Variants in TTLL11 observed in about 807,000 individuals in gnomAD.
TTLL11 encodes the protein tubulin polyglutamylase TTLL11.
TTLL11 carries 42 observed loss-of-function variants against 51.7 expected under a neutral mutation model. The ratio of observed to expected loss-of-function variants is 0.81; its 90% confidence interval spans 0.64 to 1.05. The LOEUF (loss-of-function observed/expected upper bound fraction) is 1.05. TTLL11 is among the 50% of genes least tolerant of loss of function. The probability of loss-of-function intolerance (pLI) is 0.00; values close to 1 mark genes in which losing one functional copy is unlikely to be tolerated. For missense variants in TTLL11, 799 were observed against 940.4 expected, an observed-to-expected ratio of 0.85 and a Z score of 1.97; for synonymous variants, 381 against 383.5, an observed-to-expected ratio of 0.99 and a Z score of 0.08.
intron 3 of TTLL11, among the ~76,000 whole-genome samples, chr9:121,994,287 G>A (rs972704428): frequency 6.6e-6 from 1 of 152,146 alleles, no homozygotes; most frequent in African/African-American, 2.4e-5. Flanking sequence ...AGATAGTTCC[G>A]ACGGCTGGAG....
intron 3 of TTLL11, among the ~76,000 whole-genome samples, chr9:122,005,446 C>T (rs972452432): frequency 6.6e-6 from 1 of 152,058 alleles, no homozygotes; most frequent in African/African-American, 2.4e-5. Flanking sequence ...CTTCCAAGAT[C>T]CTACACACTC....
Position 121,821,261 on chromosome 9 carries a change from C to T in TTLL11, c.*1326G>A, listed in dbSNP as rs1836568624. On this transcript the variant is annotated 3_prime_UTR_variant, in exon 9 of 9. Coordinates refer to ENST00000321582, the MANE Select transcript of TTLL11 (RefSeq NM_001139442.2). This position sits in a 1 kb window ranked among gnomAD's most constrained non-coding sequence, Gnocchi z 5.0. ...AGGAAGGAGGAGAAAGCTGCAGGAGCTTATTTGGGATGCACCTCTGCCTCC... is the reference window on the plus strand; with the variant it reads ...AGGAAGGAGGAGAAAGCTGCAGGAGTTTATTTGGGATGCACCTCTGCCTCC... Among the ~76,000 whole-genome samples the T allele has an allele frequency of 1.3e-5, 2 of 152,070 alleles. No homozygotes were observed. The highest frequency in any genetic ancestry group is 2.9e-5 in the Non-Finnish European group (2 of 68,004).
chr9:121,946,778 G>T (rs564586816), intron 6 of TTLL11, among the ~76,000 whole-genome samples: 45 of 152,250 alleles, frequency 3.0e-4, no homozygotes, highest in African/African-American at 1.1e-3. Context: ...TCCACCCCCA[G>T]AAATTCTGGT....
chr9:122,085,506 T>C (rs1435861477), intron 1 of TTLL11, among the ~76,000 whole-genome samples: 1 of 152,108 alleles, frequency 6.6e-6, no homozygotes, highest in African/African-American at 2.4e-5. Flanking sequence ...ATCCCCAAGA[T>C]CCCAAATACA....
In TTLL11 at chr9:121,992,187, C is replaced by T. The variant is rs190686732; in HGVS notation, c.694-2417G>A. Among the ~76,000 whole-genome samples the T allele has an allele frequency of 2.8e-3, 427 of 152,238 alleles. 4 individuals carry two copies. The highest frequency in any genetic ancestry group is 2.7e-3 in the Non-Finnish European group (185 of 68,012). On this transcript the variant is annotated intron_variant, in intron 3 of 8. Coordinates refer to ENST00000321582, the MANE Select transcript of TTLL11 (RefSeq NM_001139442.2). ...TGTCTGGGTTCCTTGCTTGTTAAAG[C>T]GCAGGTGTGATTTACAGGAAACCCT... is the stretch of plus-strand genomic sequence containing the variant.
At chr9:122,030,592 T>C (rs1404973100) in intron 3 of TTLL11, among the ~76,000 whole-genome samples, 1 of 151,974 alleles carries the variant, frequency 6.6e-6, no homozygotes, top group Non-Finnish European at 1.5e-5. Context: ...GGGATAATAA[T>C]AAAACCAGCC....
chr9:122,061,879 G>A (rs1350573420), intron 1 of TTLL11, among the ~76,000 whole-genome samples: 1 of 152,026 alleles, frequency 6.6e-6, no homozygotes, highest in Non-Finnish European at 1.5e-5. Flanking sequence ...CTCGTGATCT[G>A]CCCACCTCGG....
At position 122,092,997 on chromosome 9, in the gene TTLL11, G is replaced by C; in HGVS notation, c.152C>G (p.Pro51Arg). ...CTGCTCCTCCCCTGCCTTGCACTCC[G>C]GTTCCCCGGCCGCGCCCGCGTCCAC... Reference protein sequence around the residue: ...VRVDAGAAGEPECKAGEEQPK... With the variant: ...VRVDAGAAGERECKAGEEQPK... Residue 51 changes from proline (P) to arginine (R), a missense_variant, in exon 1 of 9, where the codon CCG (proline) becomes CGG (arginine). Transcript: ENST00000321582. 7 of 1,549,318 alleles carry C rather than the reference G, an allele frequency of 4.5e-6. No homozygotes were observed. The highest frequency in any genetic ancestry group is 6.0e-6 in the Non-Finnish European group (7 of 1,157,108).
chr9:121,878,291 G>T (rs1244713082), intron 6 of TTLL11, among the ~76,000 whole-genome samples: 1 of 152,158 alleles, frequency 6.6e-6, no homozygotes, highest in East Asian at 1.9e-4. Flanking sequence ...TGCTTGGGGG[G>T]CTTGTAACTG....
chr9:121,959,323 C>T (rs753346126), intron 6 of TTLL11, among the ~76,000 whole-genome samples: 4 of 152,124 alleles, frequency 2.6e-5, no homozygotes, highest in Non-Finnish European at 4.4e-5. Flanking sequence ...CTCTGTGGAG[C>T]AATTATTGTT....
At chr9:121,863,881 T>C (rs962934944) in intron 7 of TTLL11, among the ~76,000 whole-genome samples, 5 of 152,074 alleles carry the variant, frequency 3.3e-5, no homozygotes, top group African/African-American at 1.2e-4. Context: ...CCTTGGAAGA[T>C]AGAGTAGTGG....
At chr9:121,914,445 T>A (rs139455611) in intron 6 of TTLL11, among the ~76,000 whole-genome samples, 56 of 152,330 alleles carry the variant, frequency 3.7e-4, no homozygotes, top group African/African-American at 1.3e-3. Flanking sequence ...TGACGGTTGA[T>A]GAAGATACAG....
intron 4 of TTLL11, among the ~76,000 whole-genome samples, chr9:121,985,285 G>T (rs973706247): frequency 3.9e-5 from 6 of 152,134 alleles, no homozygotes; most frequent in African/African-American, 1.4e-4. Context: ...TATCTCATTG[G>T]AATTTGACAA....
intron 1 of TTLL11, among the ~76,000 whole-genome samples, chr9:122,046,127 C>T (rs1159584515): frequency 6.6e-6 from 1 of 152,120 alleles, no homozygotes; most frequent in African/African-American, 2.4e-5. Flanking sequence ...GGATTTGTGT[C>T]CCCGCCCAAG....
intron 6 of TTLL11, among the ~76,000 whole-genome samples, chr9:121,877,192 A>G (rs571999622): frequency 8.5e-5 from 13 of 152,346 alleles, no homozygotes; most frequent in African/African-American, 3.1e-4. Flanking sequence ...TTCCAAACGC[A>G]CATGTATCGT....
intron 3 of TTLL11, among the ~76,000 whole-genome samples, chr9:122,015,784 T>C (rs1174739255): frequency 7.0e-6 from 1 of 143,750 alleles, no homozygotes; most frequent in Non-Finnish European, 1.5e-5. Flanking sequence ...AGGCTAACTT[T>C]TGATGACTAA....
intron 6 of TTLL11, chr9:121,885,212 C>T (rs1390940055): frequency 6.6e-6 from 1 of 152,202 alleles, no homozygotes; most frequent in Non-Finnish European, 1.5e-5. Context: ...TCCCCTTGAA[C>T]CTGCTTCTTG....
At chr9:121,823,498 A>G (rs567313660) in intron 8 of TTLL11, among the ~76,000 whole-genome samples, 2 of 152,338 alleles carry the variant, frequency 1.3e-5, no homozygotes, top group East Asian at 3.9e-4. Context: ...GTGAGCTGAG[A>G]TCGTGTCACT....
At chr9:121,873,642 CTCTTCTTCTTCT>C (rs376804339) in intron 6 of TTLL11, among the ~76,000 whole-genome samples, 1 of 133,998 alleles carries the variant, frequency 7.5e-6, no homozygotes, top group Non-Finnish European at 1.6e-5. Context: ...TCCTCCTCCT[CTCTTCTTCTTCT>C]TCTTCTTCTT....
Sources: gnomAD v4.1 joint callset for allele counts (sites outside exome capture counted in the v4.1 genomes callset) on GRCh38, gnomAD v4.1.1 for gene constraint, Gnocchi (gnomAD v3.1) non-coding constraint, MANE v1.5 for transcripts, NCBI Gene and HGNC (gene_info 2026-07-23, HGNC 2026-07-21) for gene names.